The following STRN4 variants were observed in gnomAD, a reference collection of about 807,000 sequenced individuals.
The protein encoded by STRN4 is striatin-4.
In STRN4, 27 loss-of-function variants were observed where a neutral mutation model predicts 77.9. The observed-to-expected ratio is 0.35, with a 90% CI of 0.26 to 0.48. The LOEUF (loss-of-function observed/expected upper bound fraction) is 0.48. STRN4 is among the 20% of genes least tolerant of loss of function. The pLI is 0.99. For synonymous variants in STRN4, 466 were observed against 443.1 expected (o/e 1.05, Z -0.65); for missense variants, 798 against 1,049.7 (o/e 0.76, Z 3.31).
At chr19:46,725,726 G>C in intron 9 of STRN4, 78 bp from the exon 10 acceptor site, 2 of 1,541,752 alleles carry the variant, frequency 1.3e-6, no homozygotes, top group Non-Finnish European at 8.8e-7. Flanking sequence ...CAGGGCTTGA[G>C]GGCCCCTGTC....
chr19:46,728,614 T>C lies in STRN4; in HGVS notation c.1039+4A>G. ...CGGGGGCTGGCCAGAAAACGTCAGCTCACCCAGCTCATGGGGGCTCCCATC... is the reference window on the plus strand; with the variant it reads ...CGGGGGCTGGCCAGAAAACGTCAGCCCACCCAGCTCATGGGGGCTCCCATC... On this transcript the variant is annotated splice_donor_region_variant and intron_variant, in intron 7 of 17. Transcript: ENST00000263280. 1 of 1,610,780 alleles carries C rather than the reference T, an allele frequency of 6.2e-7. No individual in the cohort carries two copies. The highest frequency in any genetic ancestry group is 8.5e-7 in the Non-Finnish European group (1 of 1,178,168).
At chr19:46,725,817 A>AGGAAG in intron 9 of STRN4, 169 bp from the exon 10 acceptor site, 1 of 832,588 alleles carries the variant, frequency 1.2e-6, no homozygotes, top group Non-Finnish European at 1.8e-6. Flanking sequence ...TGCTGGGCAG[A>AGGAAG]GTCTCCATGC....
At chr19:46,735,486 T>C (rs551545468) in intron 4 of STRN4, among the ~76,000 whole-genome samples, 1 of 151,768 alleles carries the variant, frequency 6.6e-6, no homozygotes, top group South Asian at 2.1e-4. Flanking sequence ...AGAGTGAGTT[T>C]ATTTATTTAT....
intron 16 of STRN4, chr19:46,721,768 G>A (rs2053982867): frequency 1.8e-6 from 1 of 545,802 alleles, no homozygotes. Context: ...AACCGCACAG[G>A]CTGCTTAGAG....
chr19:46,725,425 C>G (rs570347003), intron 10 of STRN4, 46 bp from the exon 11 acceptor site: 4 of 1,613,900 alleles, frequency 2.5e-6, no homozygotes, highest in African/African-American at 1.3e-5. Context: ...CCCTGTCACC[C>G]CCGTCCCCAG....
chr19:46,745,654 G>C (rs2054573452), intron 1 of STRN4: 1 of 152,698 alleles, frequency 6.5e-6, no homozygotes, highest in Non-Finnish European at 1.5e-5. Flanking sequence ...CTAGGGCCAT[G>C]GTCGGGGTCG....
In STRN4 at chr19:46,722,014, G is replaced by A. The variant is rs745845692; in HGVS notation, c.2064C>T (p.Asp688=). 2.5e-6 allele frequency: 4 copies of A among 1,613,764 alleles called. No homozygotes were observed. Among genetic ancestry groups the A allele is most frequent in the Non-Finnish European group, 8.5e-7 (1 of 1,180,022 alleles). The change falls in exon 16 of 18, where the codon GAC becomes GAT. Residue 688 remains aspartate (D), a synonymous_variant. Transcript: ENST00000263280. ...HLDAVTCLAV[D]PNGAFLMSGS... Reference sequence around the variant, plus strand: ...CTGACATCAGGAATGCGCCGTTGGGGTCCACGGCTAGGCAGGTGACTGCGT... The same window carrying A: ...CTGACATCAGGAATGCGCCGTTGGGATCCACGGCTAGGCAGGTGACTGCGT...
intron 1 of STRN4, chr19:46,745,622 C>G (rs1343628636): frequency 6.6e-6 from 1 of 152,482 alleles, no homozygotes; most frequent in African/African-American, 2.4e-5. Flanking sequence ...CTTGGACGCT[C>G]CCACCTCCAA....
Position 46,720,531 on chromosome 19 carries a change from C to A in STRN4, c.*66+5G>T. ...AGACTCAGAATGCGGGGTTTCTGCC[C>A]TCACCTCAGCCCCACCTGCCCGGCC... On this transcript the variant is annotated splice_donor_5th_base_variant and intron_variant, in intron 17 of 17. Coordinates refer to ENST00000263280, the MANE Select transcript of STRN4 (RefSeq NM_013403.3). 6.9e-7 allele frequency: 1 copy of A among 1,455,648 alleles called. No homozygotes were observed. 90.2% of individuals were successfully genotyped at this position (1,455,648 alleles called of 1,614,324 possible).
Position 46,727,118 on chromosome 19 carries a change from G to A in STRN4, c.1248+334C>T, listed in dbSNP as rs550760578. On this transcript the variant is annotated intron_variant, in intron 9 of 17. Coordinates refer to ENST00000263280, the MANE Select transcript of STRN4 (RefSeq NM_013403.3). ...CCAGAGGCCCGTCCACTGAGGCCCG[G>A]AACATTTCATTTCAGCCCAGCTGCC... Among the ~76,000 whole-genome samples the A allele has an allele frequency of 6.0e-5, 9 of 148,858 alleles. No individual in the cohort carries two copies. The South Asian group carries it at 1.5e-3, about 25-fold the overall frequency.
intron 9 of STRN4, chr19:46,725,978 T>A: frequency 3.7e-6 from 1 of 269,960 alleles, no homozygotes; most frequent in Non-Finnish European, 7.1e-6. Context: ...AGCAGGGCAA[T>A]GAATTAAAGA....
chr19:46,729,882 G>A (rs1333031324), intron 6 of STRN4, among the ~76,000 whole-genome samples: 1 of 152,210 alleles, frequency 6.6e-6, no homozygotes, highest in Non-Finnish European at 1.5e-5. Context: ...AAAGAAGTGT[G>A]GGCCAGAACT....
intron 1 of STRN4, among the ~76,000 whole-genome samples, chr19:46,739,722 T>C (rs956412014): frequency 2.7e-4 from 41 of 152,182 alleles, no homozygotes; most frequent in Non-Finnish European, 1.2e-4. Context: ...AGGCCCAACT[T>C]AGACACTTAC....
chr19:46,734,580 T>G (rs1295076314), intron 4 of STRN4, among the ~76,000 whole-genome samples: 1 of 152,214 alleles, frequency 6.6e-6, no homozygotes, highest in Non-Finnish European at 1.5e-5. Flanking sequence ...GTTGGGTTTT[T>G]TTCCTCCATA....
chr19:46,726,769 G>A (rs1240938444), intron 9 of STRN4, among the ~76,000 whole-genome samples: 1 of 152,194 alleles, frequency 6.6e-6, no homozygotes, highest in African/African-American at 2.4e-5. Context: ...TGCCTTAGCT[G>A]TCCCTTCTGC....
rs575041528 is a variant in STRN4 at position 46,722,151 on chromosome 19, A to C, written c.2006-79T>G. The C allele has an allele frequency of 1.1e-4, 173 of 1,597,282 alleles. 1 individual carries two copies. The South Asian group carries it at 1.7e-3, about 16-fold the overall frequency. ...AGAGAGTGAAAGGACTGGACGAGAG[A>C]CTCCCAGAGCCTCCCACAGGGACGC... On this transcript the variant is annotated intron_variant, in intron 15 of 17. Coordinates refer to ENST00000263280, the MANE Select transcript of STRN4 (RefSeq NM_013403.3).
chr19:46,727,163 T>C (rs2054136394), intron 9 of STRN4, among the ~76,000 whole-genome samples: 1 of 152,206 alleles, frequency 6.6e-6, no homozygotes, highest in Non-Finnish European at 1.5e-5. Context: ...TAGATTGGCC[T>C]GACTTGGCAG....
intron 6 of STRN4, among the ~76,000 whole-genome samples, chr19:46,729,956 C>T (rs1336273115): frequency 3.9e-5 from 6 of 152,136 alleles, no homozygotes; most frequent in African/African-American, 1.2e-4. Flanking sequence ...AGCTGGGCCT[C>T]GATGGAGGGC....
At position 46,730,741 on chromosome 19, in the gene STRN4, C is replaced by G; in HGVS notation, c.870G>C (p.Gln290His). ...DELDSVQHKK[Q>H]RVKLPSKALV... The stretch of plus-strand genomic sequence containing the variant: ...TGGAGGAAGGGCTCACCTTCACACG[C>G]TGCTTCTTGTGCTGCACGCTGTCCA... Residue 290 changes from glutamine (Q) to histidine (H), a missense_variant, in exon 6 of 18, where the codon CAG becomes CAC. Transcript: ENST00000263280. 1 of 1,612,218 alleles carries G rather than the reference C, an allele frequency of 6.2e-7. No homozygotes were observed. The highest frequency in any genetic ancestry group is 8.5e-7 in the Non-Finnish European group (1 of 1,180,006).
Sources: gnomAD v4.1 joint callset for allele counts (sites outside exome capture counted in the v4.1 genomes callset) on GRCh38, gnomAD v4.1.1 for gene constraint, MANE v1.5 for transcripts, NCBI Gene and HGNC (gene_info 2026-07-23, HGNC 2026-07-21) for gene names.